The following APBB2 variants were observed in gnomAD, a reference collection of about 807,000 sequenced individuals.
APBB2 encodes amyloid beta precursor protein binding family B member 2, also known as Fe65-like 1.
In APBB2, 38 loss-of-function variants were observed where a neutral mutation model predicts 82.5. The observed-to-expected ratio is 0.46, with a 90% confidence interval of 0.36 to 0.60. APBB2 has a LOEUF of 0.60. Among genes scored for constraint, APBB2 ranks in the 20% least tolerant of loss-of-function variants. The pLI is 0.00. For synonymous variants in APBB2, 341 were observed against 368.2 expected (o/e 0.93, Z 0.85); for missense variants, 772 against 972.3 (o/e 0.79, Z 2.74).
At chr4:41,201,859 G>A (rs373585926) in intron 1 of APBB2, among the ~76,000 whole-genome samples, 65 of 152,190 alleles carry the variant, frequency 4.3e-4, no homozygotes, top group East Asian at 3.1e-3. Flanking sequence ...TAATATACAC[G>A]GCCAAAAATA....
intron 10 of APBB2, among the ~76,000 whole-genome samples, chr4:40,898,880 C>CAGAGAGAGAGAGAGAGAGAGAGAGAG (rs35370837): frequency 6.7e-6 from 1 of 149,528 alleles, no homozygotes; most frequent in South Asian, 2.1e-4. Context: ...CACACACACA[C>CAGAGAGAGAGAGAGAGAGAGAGAGAG]AGAACACTGG....
intron 10 of APBB2, among the ~76,000 whole-genome samples, chr4:40,912,838 G>A (rs1327048825): frequency 2.6e-5 from 4 of 152,166 alleles, no homozygotes; most frequent in African/African-American, 7.2e-5. Context: ...GCAGAATCCC[G>A]CTTCTATTCC....
rs61419103 is a variant in APBB2, at chr4:41,165,871, CCTT to C, written c.-416-22732_-416-22730del. ...CCATTCATGCCAGCATGTCAGGCCCCCTTTTTTTTTTTTTTTTTTTGAGACGGA... is the reference window on the plus strand; with the variant it reads ...CCATTCATGCCAGCATGTCAGGCCCCTTTTTTTTTTTTTTTTTGAGACGGA... On this transcript the variant is annotated intron_variant, in intron 1 of 17. Transcript: ENST00000508593. 9.0e-3 allele frequency among the ~76,000 whole-genome samples: 1,331 copies of C among 148,564 alleles called. 28 individuals carry two copies. The highest frequency in any genetic ancestry group is 0.032 in the African/African-American group (1,232 of 38,980).
At chr4:40,950,475 G>A (rs556815912) in intron 6 of APBB2, among the ~76,000 whole-genome samples, 2 of 152,230 alleles carry the variant, frequency 1.3e-5, no homozygotes, top group Non-Finnish European at 2.9e-5. Context: ...ACATTGGGAG[G>A]TCAAGGCGGG....
At chr4:41,147,493 T>TC (rs1240274754) in intron 1 of APBB2, among the ~76,000 whole-genome samples, 1 of 149,370 alleles carries the variant, frequency 6.7e-6, no homozygotes, top group African/African-American at 2.5e-5. Context: ...TTTTTTTTTT[T>TC]TTTTTTTTTT....
chr4:41,059,484 C>T (rs1290140873), intron 4 of APBB2, among the ~76,000 whole-genome samples: 1 of 152,258 alleles, frequency 6.6e-6, no homozygotes, highest in East Asian at 1.9e-4. Flanking sequence ...TTCACAATGG[C>T]CCTAACGCCC....
At chr4:40,901,627 A>G (rs983304100) in intron 10 of APBB2, among the ~76,000 whole-genome samples, 1 of 152,138 alleles carries the variant, frequency 6.6e-6, no homozygotes, top group African/African-American at 2.4e-5. Flanking sequence ...CTTGTGCCTC[A>G]GCCTCCTGAG....
rs182884833 is a variant in APBB2, at chr4:41,054,451, A to G, written c.-51+11125T>C. On this transcript the variant is annotated intron_variant, in intron 4 of 17. Transcript: ENST00000508593. ...TCTCCACACCACCCTGAATTAAACT[A>G]TAGCCCTATGAGCAACAATGGAACA... is the stretch of plus-strand genomic sequence containing the variant. Among the ~76,000 whole-genome samples, 3 of 152,284 alleles carry G rather than the reference A, an allele frequency of 2.0e-5. No homozygotes were observed. The East Asian group carries it at 5.8e-4, about 29-fold the overall frequency.
intron 3 of APBB2, among the ~76,000 whole-genome samples, chr4:41,073,367 T>C (rs182843430): frequency 6.6e-6 from 1 of 152,374 alleles, no homozygotes; most frequent in East Asian, 1.9e-4. Flanking sequence ...AGCATCTTTG[T>C]GGATCTTATT....
At chr4:40,842,300 A>C (rs980980076) in intron 12 of APBB2, 1 of 431,464 alleles carries the variant, frequency 2.3e-6, no homozygotes. Context: ...CGACATGAAG[A>C]AAGCAAGTGA....
chr4:41,048,720 CGA>C (rs1724397258), intron 4 of APBB2, among the ~76,000 whole-genome samples: 1 of 150,842 alleles, frequency 6.6e-6, no homozygotes, highest in South Asian at 2.1e-4. Context: ...CCTCTGATGC[CGA>C]GCGGAAGCTG....
chr4:40,877,880 C>T (rs1767320413), intron 12 of APBB2, among the ~76,000 whole-genome samples: 1 of 152,346 alleles, frequency 6.6e-6, no homozygotes, highest in African/African-American at 2.4e-5. Context: ...ACCTGCCACA[C>T]CCCGGGCAGA....
intron 7 of APBB2, among the ~76,000 whole-genome samples, chr4:40,938,791 T>C (rs1334582287): frequency 6.6e-6 from 1 of 152,190 alleles, no homozygotes; most frequent in Non-Finnish European, 1.5e-5. Context: ...ATCATCTCTG[T>C]GTGCACTTGA....
chr4:41,061,388 C>A (rs1242609096), intron 4 of APBB2, among the ~76,000 whole-genome samples: 1 of 152,172 alleles, frequency 6.6e-6, no homozygotes, highest in Non-Finnish European at 1.5e-5. Context: ...CTACTACACA[C>A]CGAGGCTAGA....
At chr4:41,061,573 T>C (rs1729853163) in intron 4 of APBB2, among the ~76,000 whole-genome samples, 1 of 152,270 alleles carries the variant, frequency 6.6e-6, no homozygotes, top group Non-Finnish European at 1.5e-5. Context: ...TAGGGTCTTA[T>C]AATCTTATGG....
chr4:41,049,609 G>A (rs529440815), intron 4 of APBB2, among the ~76,000 whole-genome samples: 16 of 152,142 alleles, frequency 1.1e-4, no homozygotes, highest in South Asian at 6.2e-4. Context: ...CCCTCTGCCC[G>A]GCCACCACCC....
At chr4:40,981,150 C>T (rs974595214) in intron 6 of APBB2, among the ~76,000 whole-genome samples, 2 of 152,138 alleles carry the variant, frequency 1.3e-5, no homozygotes, top group Admixed American at 1.3e-4. Context: ...GAAAGAGAAT[C>T]AGAATTAGCT....
intron 10 of APBB2, among the ~76,000 whole-genome samples, chr4:40,917,375 G>A (rs1276764802): frequency 6.6e-6 from 1 of 152,156 alleles, no homozygotes; most frequent in East Asian, 1.9e-4. Context: ...CGGGCTGGAA[G>A]CAGCAGAGAC....
At chr4:41,085,952 T>C (rs900783148) in intron 3 of APBB2, among the ~76,000 whole-genome samples, 3 of 151,942 alleles carry the variant, frequency 2.0e-5, no homozygotes, top group African/African-American at 7.3e-5. Flanking sequence ...TTCCTTTAGG[T>C]AGACTGACTA....
Sources: gnomAD v4.1 joint callset for allele counts (sites outside exome capture counted in the v4.1 genomes callset) on GRCh38, gnomAD v4.1.1 for gene constraint, MANE v1.5 for transcripts, NCBI Gene and HGNC (gene_info 2026-07-23, HGNC 2026-07-21) for gene names.